Variants in PTK2 observed in about 807,000 individuals in gnomAD.
PTK2 encodes the protein protein tyrosine kinase 2, also known as focal adhesion kinase 1.
Under a neutral mutation model 150.1 loss-of-function variants are expected in PTK2, and 45 were observed. The ratio of observed to expected loss-of-function variants is 0.30; its 90% CI spans 0.24 to 0.38. The LOEUF (loss-of-function observed/expected upper bound fraction) is 0.38. PTK2 is among the 10% of genes least tolerant of loss of function. The pLI is 1.00. For synonymous variants in PTK2, 432 were observed against 449.2 expected (o/e 0.96, Z 0.48); for missense variants, 919 against 1,307.3 (o/e 0.70, Z 4.58).
chr8:140,815,321 T>C (rs1267615843), intron 10 of PTK2, among the ~76,000 whole-genome samples: 4 of 151,640 alleles, frequency 2.6e-5, no homozygotes, highest in African/African-American at 9.7e-5. Flanking sequence ...GAAAACTAAA[T>C]ACTGCATCTT....
rs1296669233 is a variant in PTK2 at position 140,659,690 on chromosome 8, G to C, written c.2947-12C>G. On this transcript the variant is annotated splice_polypyrimidine_tract_variant and intron_variant, in intron 31 of 31. Transcript: ENST00000522684. ...TGTGCCATCTCAATCTGAAAGACAAGAGATAGGTCAGGAGAACTGTTTTCA... is the reference window on the plus strand; with the variant it reads ...TGTGCCATCTCAATCTGAAAGACAACAGATAGGTCAGGAGAACTGTTTTCA... 1.2e-6 allele frequency: 2 copies of C among 1,607,834 alleles called. No homozygotes were observed. Among genetic ancestry groups the C allele is most frequent in the Non-Finnish European group, 1.7e-6 (2 of 1,175,214 alleles).
At chr8:140,865,343 C>T (rs781630993) in intron 4 of PTK2, among the ~76,000 whole-genome samples, 37 of 152,146 alleles carry the variant, frequency 2.4e-4, no homozygotes, top group Non-Finnish European at 3.8e-4. Context: ...GGATTATAGG[C>T]GTGAGCCTCC....
intron 1 of PTK2, among the ~76,000 whole-genome samples, chr8:140,927,949 A>AG (rs2100170123): frequency 1.2e-5 from 1 of 82,734 alleles, no homozygotes; most frequent in Admixed American, 1.9e-4. Context: ...AGAAAAAAAA[A>AG]AAAAAAAAGA....
intron 16 of PTK2, among the ~76,000 whole-genome samples, chr8:140,754,578 A>C (rs1565702490): frequency 6.6e-6 from 1 of 152,238 alleles, no homozygotes; most frequent in Non-Finnish European, 1.5e-5. Context: ...CCTGTCAACT[A>C]ATCAAATACT....
At chr8:140,847,274 T>C (rs375345312) in intron 5 of PTK2, among the ~76,000 whole-genome samples, 1 of 152,196 alleles carries the variant, frequency 6.6e-6, no homozygotes, top group East Asian at 1.9e-4. Flanking sequence ...GATGTTTTCA[T>C]CTAACCATCA....
chr8:140,769,864 G>GTT (rs1185483918), intron 14 of PTK2, among the ~76,000 whole-genome samples: 1 of 152,216 alleles, frequency 6.6e-6, no homozygotes, highest in Non-Finnish European at 1.5e-5. Flanking sequence ...GTATTACAGA[G>GTT]TGTAAACTGG....
intron 1 of PTK2, among the ~76,000 whole-genome samples, chr8:140,949,369 C>T (rs931117470): frequency 4.6e-5 from 7 of 152,202 alleles, no homozygotes; most frequent in Non-Finnish European, 1.0e-4. Context: ...AGGTGGAAAT[C>T]CCAACCCCCT....
At chr8:140,751,395 T>C (rs939333448) in intron 17 of PTK2, among the ~76,000 whole-genome samples, 1 of 152,088 alleles carries the variant, frequency 6.6e-6, no homozygotes, top group African/African-American at 2.4e-5. Context: ...CCCAGGCTGG[T>C]CTCAAGCAAT....
At chr8:140,876,446 T>C (rs2100145575) in intron 4 of PTK2, among the ~76,000 whole-genome samples, 1 of 152,226 alleles carries the variant, frequency 6.6e-6, no homozygotes, top group African/African-American at 2.4e-5. Context: ...TTTCTCTGGG[T>C]GTCATCCTGT....
chr8:140,674,124 T>A (rs1461022824), intron 29 of PTK2, 174 bp downstream of exon 32: 1 of 765,560 alleles, frequency 1.3e-6, no homozygotes, highest in East Asian at 2.5e-5. Context: ...TTTCCCTGAC[T>A]CTCAGAGGGG....
chr8:140,938,839 G>A (rs181434286), intron 1 of PTK2, among the ~76,000 whole-genome samples: 101 of 152,122 alleles, frequency 6.6e-4, no homozygotes, highest in East Asian at 2.3e-3. Flanking sequence ...AAACTGACTC[G>A]TTTTCATAAT....
At chr8:141,000,111 A>ACACACACACACACG (rs1248051073) in intron 1 of PTK2, among the ~76,000 whole-genome samples, 1 of 149,854 alleles carries the variant, frequency 6.7e-6, no homozygotes, top group East Asian at 1.9e-4. Context: ...ACACACACAC[A>ACACACACACACACG]CACACACACA....
At chr8:140,801,848 A>G (rs564631352) in intron 11 of PTK2, among the ~76,000 whole-genome samples, 1 of 152,304 alleles carries the variant, frequency 6.6e-6, no homozygotes, top group South Asian at 2.1e-4. Flanking sequence ...TGGTGGTTCC[A>G]TAAGATTTAT....
chr8:140,724,377 T>A (rs973906242), intron 22 of PTK2, among the ~76,000 whole-genome samples: 1 of 152,242 alleles, frequency 6.6e-6, no homozygotes, highest in South Asian at 2.1e-4. Context: ...TCTGTAATAT[T>A]TTCCCTGAGA....
intron 7 of PTK2, chr8:140,833,010 C>A (rs143792897): frequency 2.7e-5 from 14 of 518,872 alleles, no homozygotes; most frequent in African/African-American, 2.3e-4. Flanking sequence ...CAGAGCCAGG[C>A]ATAACTAAAG....
At chr8:140,998,597 T>A (rs959384952) in intron 1 of PTK2, among the ~76,000 whole-genome samples, 1 of 151,906 alleles carries the variant, frequency 6.6e-6, no homozygotes, top group African/African-American at 2.4e-5. Context: ...GGTGGGCGGA[T>A]CATGAGGTCA....
intron 2 of PTK2, among the ~76,000 whole-genome samples, chr8:140,916,260 G>C (rs1054090634): frequency 3.9e-5 from 6 of 152,124 alleles, no homozygotes; most frequent in Admixed American, 3.3e-4. Flanking sequence ...AGGATAGATC[G>C]GCAAACTGTG....
intron 1 of PTK2, among the ~76,000 whole-genome samples, chr8:140,950,139 T>C (rs1332099997): frequency 3.6e-5 from 4 of 110,762 alleles, no homozygotes; most frequent in African/African-American, 1.3e-4. Flanking sequence ...CCTCCAGTTG[T>C]CCATGTACCT....
At chr8:140,830,088 C>T (rs1179993524) in intron 8 of PTK2, among the ~76,000 whole-genome samples, 1 of 67,358 alleles carries the variant, frequency 1.5e-5, no homozygotes, top group Non-Finnish European at 3.4e-5. Flanking sequence ...CACACATACA[C>T]ACACACACAC....
Sources: gnomAD v4.1 joint callset for allele counts (sites outside exome capture counted in the v4.1 genomes callset) on GRCh38, gnomAD v4.1.1 for gene constraint, MANE v1.5 for transcripts, NCBI Gene and HGNC (gene_info 2026-07-23, HGNC 2026-07-21) for gene names.